The following ATRNL1 variants were observed in gnomAD, a reference collection of about 807,000 sequenced individuals.
ATRNL1 encodes attractin like 1, also known as attractin-like protein 1.
ATRNL1 carries 95 observed loss-of-function variants against 182.7 expected under a neutral mutation model. The observed-to-expected ratio is 0.52, with a 90% CI of 0.44 to 0.62. The LOEUF (loss-of-function observed/expected upper bound fraction) is 0.62, where lower values mean the gene tolerates loss of function less well. Among genes scored for constraint, ATRNL1 ranks in the 20% least tolerant of loss-of-function variants. The pLI is 0.00. For synonymous variants in ATRNL1, 576 were observed against 568.3 expected, an observed-to-expected ratio of 1.01 and a Z score of -0.19; for missense variants, 1,471 against 1,679.5, an observed-to-expected ratio of 0.88 and a Z score of 2.17.
intron 5 of ATRNL1, 49 bp downstream of exon 5, chr10:115,129,584 A>G (rs782442965): frequency 2.8e-6 from 4 of 1,452,382 alleles, no homozygotes; most frequent in South Asian, 2.3e-5. Flanking sequence ...TCATATATGT[A>G]ATAGATTAAT....
intron 28 of ATRNL1, among the ~76,000 whole-genome samples, chr10:115,922,658 C>T (rs1953101783): frequency 6.6e-6 from 1 of 152,074 alleles, no homozygotes; most frequent in African/African-American, 2.4e-5. Context: ...TTTTCGTTTT[C>T]AAAAGTCAGT....
At chr10:115,145,254 T>G (rs1377485621) in intron 5 of ATRNL1, among the ~76,000 whole-genome samples, 1 of 152,148 alleles carries the variant, frequency 6.6e-6, no homozygotes, top group Admixed American at 6.5e-5. Context: ...AAGTGACTCT[T>G]CCTTTTCTGC....
chr10:115,717,332 T>C (rs1221203258), intron 26 of ATRNL1, among the ~76,000 whole-genome samples: 1 of 152,118 alleles, frequency 6.6e-6, no homozygotes, highest in Non-Finnish European at 1.5e-5. Context: ...TAGAAAATAA[T>C]GAATCTAATT....
chr10:115,567,234 T>G (rs781846552), intron 26 of ATRNL1, among the ~76,000 whole-genome samples: 20 of 152,184 alleles, frequency 1.3e-4, no homozygotes, highest in South Asian at 2.1e-4. Context: ...TCTTAATGTA[T>G]TAAATCACAG....
intron 10 of ATRNL1, among the ~76,000 whole-genome samples, chr10:115,262,772 C>T (rs1430104059): frequency 1.3e-5 from 2 of 151,950 alleles, no homozygotes; most frequent in Admixed American, 1.3e-4. Context: ...ATAACCTATA[C>T]ATGTGAAAAT....
chr10:115,536,106 G>A (rs1554990204), intron 25 of ATRNL1, among the ~76,000 whole-genome samples: 1 of 152,118 alleles, frequency 6.6e-6, no homozygotes, highest in African/African-American at 2.4e-5. Context: ...CAGATCTCCA[G>A]CTGCGTGCTG....
At chr10:115,361,954 T>G (rs1423637788) in intron 19 of ATRNL1, among the ~76,000 whole-genome samples, 2 of 151,956 alleles carry the variant, frequency 1.3e-5, no homozygotes, top group Non-Finnish European at 2.9e-5. Flanking sequence ...TTACCTTTTT[T>G]ATCGAAGAAA....
At chr10:115,354,203 CT>C (rs3086178) in intron 19 of ATRNL1, among the ~76,000 whole-genome samples, 1 of 152,082 alleles carries the variant, frequency 6.6e-6, no homozygotes, top group East Asian at 1.9e-4. Flanking sequence ...GACAATTCTT[CT>C]TCTAATGTTG....
At chr10:115,153,969 C>T (rs1223669894) in intron 5 of ATRNL1, among the ~76,000 whole-genome samples, 1 of 151,042 alleles carries the variant, frequency 6.6e-6, no homozygotes, top group East Asian at 1.9e-4. Flanking sequence ...CGTTATGTAC[C>T]CAGTAGTCAT....
chr10:115,246,481 T>C (rs1850646941), intron 10 of ATRNL1, among the ~76,000 whole-genome samples: 1 of 152,112 alleles, frequency 6.6e-6, no homozygotes, highest in Non-Finnish European at 1.5e-5. Flanking sequence ...ATAAGTTGAT[T>C]GGAAAATAGT....
intron 19 of ATRNL1, among the ~76,000 whole-genome samples, chr10:115,373,587 C>A (rs1406048648): frequency 6.6e-6 from 1 of 151,954 alleles, no homozygotes; most frequent in African/African-American, 2.4e-5. Context: ...TGTATTCTGT[C>A]AAATAGTTGT....
At chr10:115,857,092 AG>A (rs1476703568) in intron 28 of ATRNL1, among the ~76,000 whole-genome samples, 1 of 152,224 alleles carries the variant, frequency 6.6e-6, no homozygotes, top group East Asian at 1.9e-4. Context: ...CTTAATGAAT[AG>A]TAAATATATT....
intron 27 of ATRNL1, among the ~76,000 whole-genome samples, chr10:115,775,792 T>TA (rs11364436): frequency 6.6e-6 from 1 of 151,432 alleles, no homozygotes; most frequent in South Asian, 2.1e-4. Context: ...CCGACTCTAC[T>TA]AAAAAAAATA....
chr10:115,228,306 T>TTC (rs1239561664), intron 9 of ATRNL1, among the ~76,000 whole-genome samples: 2 of 152,186 alleles, frequency 1.3e-5, no homozygotes, highest in African/African-American at 4.8e-5. Context: ...CATCTTGAAC[T>TTC]TATAGGAGTT....
intron 25 of ATRNL1, among the ~76,000 whole-genome samples, chr10:115,543,177 G>A (rs1554992556): frequency 6.6e-6 from 1 of 151,968 alleles, no homozygotes; most frequent in Admixed American, 6.6e-5. Context: ...TGCTCCTAAG[G>A]TACAGTAACT....
chr10:115,402,322 G>C (rs1844604645), intron 20 of ATRNL1, among the ~76,000 whole-genome samples: 1 of 151,846 alleles, frequency 6.6e-6, no homozygotes, highest in Non-Finnish European at 1.5e-5. Flanking sequence ...TTATTTTGTG[G>C]AATTACTTTG....
intron 6 of ATRNL1, among the ~76,000 whole-genome samples, chr10:115,163,330 ATTTCTTTTATTT>A (rs1406136553): frequency 4.7e-5 from 7 of 147,806 alleles, no homozygotes; most frequent in Middle Eastern, 3.2e-3. Context: ...TTTTTCTTTT[ATTTCTTTTATTT>A]TTTCTTTTAT....
intron 28 of ATRNL1, among the ~76,000 whole-genome samples, chr10:115,918,534 G>C (rs1465691588): frequency 7.2e-5 from 11 of 152,180 alleles, no homozygotes; most frequent in Admixed American, 2.6e-4. Flanking sequence ...AATTATTTCA[G>C]TAACTTTAAA....
chr10:115,453,503 C>T (rs1364380457), intron 21 of ATRNL1, among the ~76,000 whole-genome samples: 4 of 151,894 alleles, frequency 2.6e-5, no homozygotes, highest in Non-Finnish European at 5.9e-5. Context: ...GTTGCCTTTG[C>T]TGTTTGATGT....
Sources: gnomAD v4.1 joint callset for allele counts (sites outside exome capture counted in the v4.1 genomes callset) on GRCh38, gnomAD v4.1.1 for gene constraint, MANE v1.5 for transcripts, NCBI Gene and HGNC (gene_info 2026-07-23, HGNC 2026-07-21) for gene names.